The following XAB2 variants were observed in gnomAD, a reference collection of about 807,000 sequenced individuals.
XAB2 encodes pre-mRNA-splicing factor SYF1.
Under a neutral mutation model 113.4 loss-of-function variants are expected in XAB2, and 57 were observed. That is an observed-to-expected ratio of 0.50 (90% confidence interval 0.41 to 0.63). The LOEUF (loss-of-function observed/expected upper bound fraction) is 0.63. XAB2 is among the 20% of genes least tolerant of loss of function. XAB2 has a pLI of 0.00. For missense variants in XAB2, 1,037 were observed against 1,233.3 expected (o/e 0.84, Z 2.38); for synonymous variants, 497 against 498.8 (o/e 1.00, Z 0.05).
rs540010986 is a variant in XAB2 at position 7,625,317 on chromosome 19, C to T, written c.822+563G>A. On this transcript the variant is annotated intron_variant, in intron 6 of 18. Transcript: ENST00000358368. The surrounding 1 kb of genome is among the most constrained non-coding windows in gnomAD (Gnocchi z 5.2). ...CCTGATTTTACAAATGAAGACACCC[C>T]ACCTTAGTGGGGCCAAGGCCGCAGA... Among the ~76,000 whole-genome samples, 144 of 152,306 alleles carry T rather than the reference C, an allele frequency of 9.5e-4. No homozygotes were observed. The highest frequency in any genetic ancestry group is 3.3e-3 in the African/African-American group (136 of 41,562).
chr19:7,627,945 G>C lies in XAB2; in HGVS notation c.201-94C>G, dbSNP rs181076737. 51 of 1,555,662 alleles carry C rather than the reference G, an allele frequency of 3.3e-5. No homozygotes were observed. The African/African-American group carries it at 5.8e-4, about 18-fold the overall frequency. ...CCCCAGTTGGCAAATGTGGGAAGAA[G>C]GGGTGTGGGAGGGGTGACATGTCTC... On this transcript the variant is annotated intron_variant, in intron 2 of 18. Transcript: ENST00000358368. This position sits in a 1 kb window ranked among gnomAD's most constrained non-coding sequence, Gnocchi z 4.5.
In XAB2 at chr19:7,624,279, G is replaced by A. The variant is rs544723717; in HGVS notation, c.967+22C>T. On this transcript the variant is annotated intron_variant, in intron 7 of 18. Coordinates refer to ENST00000358368, the MANE Select transcript of XAB2 (RefSeq NM_020196.3). The surrounding 1 kb of genome is among the most constrained non-coding windows in gnomAD (Gnocchi z 4.2). ...TGTCCACTCAGCTCTCTCCCCACCA[G>A]CCGGGGCCCCCAGAGGCTCACCCTC... 45 of 1,611,318 alleles carry A rather than the reference G, an allele frequency of 2.8e-5. 1 individual carries two copies. The South Asian group carries it at 4.8e-4, about 17-fold the overall frequency.
rs2031081582 is a variant in XAB2 at position 7,623,677 on chromosome 19, C to T, written c.1119+54G>A. 3.3e-6 allele frequency: 5 copies of T among 1,528,310 alleles called. No individual in the cohort carries two copies. Among genetic ancestry groups the T allele is most frequent in the Middle Eastern group, 1.8e-4 (1 of 5,460 alleles). The allele number at this position is 1,528,310 out of a possible 1,614,324, so 94.7% of individuals were successfully genotyped here. On this transcript the variant is annotated intron_variant, in intron 8 of 18. Coordinates refer to ENST00000358368, the MANE Select transcript of XAB2 (RefSeq NM_020196.3). This position sits in a 1 kb window ranked among gnomAD's most constrained non-coding sequence, Gnocchi z 4.6. Reference sequence around the variant, plus strand: ...TTATGGGTGAAGGTGGGTGGCTCCCCAGTTCTGCAGGAAACTGGCCCTCAG... The same window carrying T: ...TTATGGGTGAAGGTGGGTGGCTCCCTAGTTCTGCAGGAAACTGGCCCTCAG...
chr19:7,623,228 G>C lies in XAB2; in HGVS notation c.1181C>G (p.Pro394Arg). 6.2e-7 allele frequency: 1 copy of C among 1,613,854 alleles called. No individual in the cohort carries two copies. Among genetic ancestry groups the C allele is most frequent in the Non-Finnish European group, 8.5e-7 (1 of 1,180,042 alleles). The change falls in exon 9 of 19, where the codon CCC (proline) becomes CGC (arginine). Residue 394 changes from proline to arginine, a missense_variant. Physicochemically the swap from Pro to Arg is moderately radical, Grantham distance 103. Transcript: ENST00000358368. The surrounding 1 kb of genome is among the most constrained non-coding windows in gnomAD (Gnocchi z 4.6). Reference sequence around the variant, plus strand: ...GGCAAACGCCACCCACAGAGTGTGGGGCTTGCCTGTGGCCTTGAAGGGGTC... The same window carrying C: ...GGCAAACGCCACCCACAGAGTGTGGCGCTTGCCTGTGGCCTTGAAGGGGTC... Reference protein sequence around the residue: ...TVDPFKATGKPHTLWVAFAKF... With the variant: ...TVDPFKATGKRHTLWVAFAKF...
chr19:7,621,163 C>T lies in XAB2; in HGVS notation c.1752G>A (p.Leu584=). The part of the protein sequence containing the change: ...ERARDLFEQA[L]DGCPPKYAKT... Reference sequence around the variant, plus strand: ...TGGCATATTTTGGGGGGCAGCCGTCCAGAGCCTGTTCAAACAGGTCCCGTG... The same window carrying T: ...TGGCATATTTTGGGGGGCAGCCGTCTAGAGCCTGTTCAAACAGGTCCCGTG... Residue 584 remains leucine (L), a synonymous_variant, in exon 13 of 19, where the codon CTG becomes CTA. Transcript: ENST00000358368. 1 of 1,612,198 alleles carries T rather than the reference C, an allele frequency of 6.2e-7. No homozygotes were observed. The highest frequency in any genetic ancestry group is 8.5e-7 in the Non-Finnish European group (1 of 1,179,626).
chr19:7,627,543 T>C lies in XAB2; in HGVS notation c.325-103A>G. ...CTGAGCCACACCTGGGGCCACCACA[T>C]AAATGCGGCGGGACCCAGAAACCCC... On this transcript the variant is annotated intron_variant, in intron 3 of 18. Coordinates refer to ENST00000358368, the MANE Select transcript of XAB2 (RefSeq NM_020196.3). This position sits in a 1 kb window ranked among gnomAD's most constrained non-coding sequence, Gnocchi z 4.5. The C allele has an allele frequency of 1.3e-6, 2 of 1,517,032 alleles. No individual in the cohort carries two copies. Among genetic ancestry groups the C allele is most frequent in the Non-Finnish European group, 1.8e-6 (2 of 1,117,052 alleles). 94.0% of individuals were successfully genotyped at this position (1,517,032 alleles called of 1,614,324 possible).
At position 7,619,847 on chromosome 19, in the gene XAB2, G is replaced by A. The variant is rs896756281; in HGVS notation, c.2406C>T (p.Ala802=). 1.2e-5 allele frequency: 20 copies of A among 1,612,318 alleles called. No homozygotes were observed. The African/African-American group carries it at 2.1e-4, about 17-fold the overall frequency. Residue 802 remains alanine (A), a synonymous_variant, in exon 18 of 19, where the codon GCC becomes GCT. Transcript: ENST00000358368. ...QSKILFVRSD[A]SREELAELAQ... Reference sequence around the variant, plus strand: ...CCAGCTCTGCCAGCTCCTCCCGGGAGGCGTCACTCCTAGGGACGGGCCATG... The same window carrying A: ...CCAGCTCTGCCAGCTCCTCCCGGGAAGCGTCACTCCTAGGGACGGGCCATG...
chr19:7,627,314 G>C lies in XAB2; in HGVS notation c.451C>G (p.Leu151Val). 1 of 1,613,834 alleles carries C rather than the reference G, an allele frequency of 6.2e-7. No individual in the cohort carries two copies. Among genetic ancestry groups the C allele is most frequent in the South Asian group, 1.1e-5 (1 of 91,086 alleles). The change falls in exon 4 of 19, where the codon CTG (leucine) becomes GTG (valine). Residue 151 changes from leucine to valine, a missense_variant. Physicochemically the swap from Leu to Val is conservative, Grantham distance 32. Transcript: ENST00000358368. The surrounding 1 kb of genome is among the most constrained non-coding windows in gnomAD (Gnocchi z 4.5). ...PITQHSRIWP[L>V]YLRFLRSHPL... is the part of the protein sequence containing the mutation. ...TGTGAGCGCAGGAAGCGCAGATACAGGGGCCAAATTCGAGAGTGCTGCGTG... is the reference window on the plus strand; with the variant it reads ...TGTGAGCGCAGGAAGCGCAGATACACGGGCCAAATTCGAGAGTGCTGCGTG...
At position 7,625,733 on chromosome 19, in the gene XAB2, C is replaced by G. The variant is rs541430105; in HGVS notation, c.822+147G>C. ...ACCTCAAGTGATCCTACCGCCTCGG[C>G]CTCCCAAAGTGCTGGGATGACAGGT... On this transcript the variant is annotated intron_variant, in intron 6 of 18. Transcript: ENST00000358368. The surrounding 1 kb of genome is among the most constrained non-coding windows in gnomAD (Gnocchi z 5.2). 43 of 1,140,408 alleles carry G rather than the reference C, an allele frequency of 3.8e-5. No homozygotes were observed. The highest frequency in any genetic ancestry group is 4.4e-5 in the Non-Finnish European group (37 of 831,974). The allele number at this position is 1,140,408 out of a possible 1,614,324, so 70.6% of individuals were successfully genotyped here.
chr19:7,625,912 C>T lies in XAB2; in HGVS notation c.790G>A (p.Asp264Asn), dbSNP rs144276604. ...AAATGGCCGCTGCGGATGTAGTAGTCGGCGAGAGAACACCAGAGCTTGCCC... is the reference window on the plus strand; with the variant it reads ...AAATGGCCGCTGCGGATGTAGTAGTTGGCGAGAGAACACCAGAGCTTGCCC... The part of the protein sequence containing the change: ...QLGKLWCSLA[D>N]YYIRSGHFEK... Residue 264 changes from aspartate (D) to asparagine (N), a missense_variant, in exon 6 of 19, where the codon GAC (aspartate) becomes AAC (asparagine). Asp to Asn is a conservative substitution (Grantham distance 23). Coordinates refer to ENST00000358368, the MANE Select transcript of XAB2 (RefSeq NM_020196.3). This position sits in a 1 kb window ranked among gnomAD's most constrained non-coding sequence, Gnocchi z 5.2. The T allele has an allele frequency of 3.2e-4, 509 of 1,612,328 alleles. 3 individuals carry two copies. In the African/African-American group the frequency reaches 5.4e-3, roughly 17 times the overall value.
Position 7,622,590 on chromosome 19 carries a change from G to A in XAB2, c.1443C>T (p.Tyr481=), listed in dbSNP as rs556934081. The A allele has an allele frequency of 5.0e-6, 8 of 1,613,188 alleles. No homozygotes were observed. The highest frequency in any genetic ancestry group is 3.3e-5 in the Admixed American group (2 of 60,032). The change falls in exon 11 of 19, where the codon TAC becomes TAT. Residue 481 remains tyrosine (Y), a synonymous_variant. Transcript: ENST00000358368. ...GCATGGACCAGACCTTCAGTGACTT[G>A]TACACGCGGTTCTGCACGGGCTCTG... ...DGSEPVQNRV[Y]KSLKVWSMLA... is the part of the protein sequence containing the mutation.
At position 7,623,666 on chromosome 19, in the gene XAB2, G is replaced by A; in HGVS notation, c.1119+65C>T. ...AGAAGGTGACATTATGGGTGAAGGT[G>A]GGTGGCTCCCCAGTTCTGCAGGAAA... On this transcript the variant is annotated intron_variant, in intron 8 of 18. Transcript: ENST00000358368. The surrounding 1 kb of genome is among the most constrained non-coding windows in gnomAD (Gnocchi z 4.6). The A allele has an allele frequency of 5.3e-6, 8 of 1,517,146 alleles. No individual in the cohort carries two copies. Among genetic ancestry groups the A allele is most frequent in the Non-Finnish European group, 6.2e-6 (7 of 1,137,174 alleles). The allele number at this position is 1,517,146 out of a possible 1,614,324, so 94.0% of individuals were successfully genotyped here.
At position 7,624,167 on chromosome 19, in the gene XAB2, G is replaced by C; in HGVS notation, c.967+134C>G. ...CTCCTTCAAGACCCCCACACCCCCT[G>C]CATCCACTCAGCCTCCTTCCCTGCT... is the stretch of plus-strand genomic sequence containing the variant. On this transcript the variant is annotated intron_variant, in intron 7 of 18. Transcript: ENST00000358368. This position sits in a 1 kb window ranked among gnomAD's most constrained non-coding sequence, Gnocchi z 4.2. The C allele has an allele frequency of 2.1e-6, 3 of 1,413,430 alleles. No individual in the cohort carries two copies. The Admixed American group carries it at 5.4e-5, about 26-fold the overall frequency. 87.6% of individuals were successfully genotyped at this position (1,413,430 alleles called of 1,614,324 possible). A position where few individuals can be genotyped will look rare whatever the true frequency, so the allele number is the denominator to read the frequency against.
Position 7,624,313 on chromosome 19 carries a change from G to C in XAB2, c.955C>G (p.Arg319Gly). The C allele has an allele frequency of 6.2e-7, 1 of 1,613,564 alleles. No homozygotes were observed. Among genetic ancestry groups the C allele is most frequent in the Non-Finnish European group, 8.5e-7 (1 of 1,179,976 alleles). ...CCCAGAGGCTCACCCTCCTCCTCGC[G>C]CCCCAGCTCCGAGGCGGTCTCCATC... ...AKMETASELG[R>G]EEEDDVDLEL... is the part of the protein sequence containing the mutation. Residue 319 changes from arginine to glycine, a missense_variant, in exon 7 of 19, where the codon CGC becomes GGC. By Grantham distance (125) the Arg-to-Gly change is moderately radical. Transcript: ENST00000358368. This position sits in a 1 kb window ranked among gnomAD's most constrained non-coding sequence, Gnocchi z 4.2.
chr19:7,625,861 C>A lies in XAB2; in HGVS notation c.822+19G>T. ...GGAGACCCCGCCCCGAACCCAGAGC[C>A]CCGTGTGCCAGCATGCACCTTCTCG... On this transcript the variant is annotated intron_variant, in intron 6 of 18. Transcript: ENST00000358368. This position sits in a 1 kb window ranked among gnomAD's most constrained non-coding sequence, Gnocchi z 5.2. 1 of 1,585,038 alleles carries A rather than the reference C, an allele frequency of 6.3e-7. No homozygotes were observed. Among genetic ancestry groups the A allele is most frequent in the Non-Finnish European group, 8.6e-7 (1 of 1,160,672 alleles).
rs898980149 is a variant in XAB2 at position 7,625,765 on chromosome 19, C to T, written c.822+115G>A. 16 of 1,388,914 alleles carry T rather than the reference C, an allele frequency of 1.2e-5. No individual in the cohort carries two copies. The highest frequency in any genetic ancestry group is 1.5e-5 in the Non-Finnish European group (16 of 1,041,352). 86.0% of individuals were successfully genotyped at this position (1,388,914 alleles called of 1,614,324 possible). On this transcript the variant is annotated intron_variant, in intron 6 of 18. Transcript: ENST00000358368. The surrounding 1 kb of genome is among the most constrained non-coding windows in gnomAD (Gnocchi z 5.2). ...AAGTGCTGGGATGACAGGTGTGAGC[C>T]ACCACACCCAGCCATAAATGGCATG...
chr19:7,620,330 C>T lies in XAB2; in HGVS notation c.2211G>A (p.Gln737=). The part of the protein sequence containing the change: ...RRSVQATYNT[Q]VNFMASQMLK... ...GCATCTGCGAGGCCATGAAGTTGAC[C>T]TGCGTGTTGTACGTGGCCTGCACGC... The change falls in exon 16 of 19, where the codon CAG becomes CAA. Residue 737 remains glutamine, a synonymous_variant. Transcript: ENST00000358368. 1 of 1,613,760 alleles carries T rather than the reference C, an allele frequency of 6.2e-7. No homozygotes were observed. The highest frequency in any genetic ancestry group is 8.5e-7 in the Non-Finnish European group (1 of 1,180,018).
chr19:7,622,820 T>C lies in XAB2; in HGVS notation c.1313A>G (p.Gln438Arg), dbSNP rs1271011699. The C allele has an allele frequency of 1.2e-6, 2 of 1,613,976 alleles. No homozygotes were observed. The highest frequency in any genetic ancestry group is 2.7e-5 in the African/African-American group (2 of 74,912). ...QVDDLASVWC[Q>R]CGELELRHEN... The stretch of plus-strand genomic sequence containing the variant: ...GTGTCGGAGCTCCAGCTCTCCGCAC[T>C]GACACCACACGCTTGCCAGGTCATC... Residue 438 changes from glutamine (Q) to arginine (R), a missense_variant, in exon 10 of 19, where the codon CAG becomes CGG. Physicochemically the swap from Gln to Arg is conservative, Grantham distance 43. Transcript: ENST00000358368.
At position 7,627,255 on chromosome 19, in the gene XAB2, C is replaced by T. The variant is rs780766793; in HGVS notation, c.510G>A (p.Arg170=). 2.7e-5 allele frequency: 43 copies of T among 1,612,832 alleles called. No individual in the cohort carries two copies. Among genetic ancestry groups the T allele is most frequent in the East Asian group, 4.5e-5 (2 of 44,902 alleles). Reference sequence around the variant, plus strand: ...CTGCTAGGCTCACCTTGAGGAAGCGCCGATAGCCTCGCACAGCTGTCTCAG... The same window carrying T: ...CTGCTAGGCTCACCTTGAGGAAGCGTCGATAGCCTCGCACAGCTGTCTCAG... ...PLPETAVRGY[R]RFLKLSPESA... is the part of the protein sequence containing the mutation. Residue 170 remains arginine, a synonymous_variant, in exon 4 of 19, where the codon CGG becomes CGA. Transcript: ENST00000358368. The surrounding 1 kb of genome is among the most constrained non-coding windows in gnomAD (Gnocchi z 4.5).
Sources: gnomAD v4.1 joint callset for allele counts (sites outside exome capture counted in the v4.1 genomes callset) on GRCh38, gnomAD v4.1.1 for gene constraint, Gnocchi (gnomAD v3.1) non-coding constraint, MANE v1.5 for transcripts, NCBI Gene and HGNC (gene_info 2026-07-23, HGNC 2026-07-21) for gene names.